Variants in THOC2 observed in about 807,000 individuals in gnomAD.
THOC2 encodes THO complex 2.
THOC2 carries 10 observed loss-of-function variants against 128.4 expected under a neutral mutation model. The observed-to-expected ratio is 0.08, with a 90% CI of 0.05 to 0.13. The LOEUF (loss-of-function observed/expected upper bound fraction) is 0.13. Ranked by LOEUF, THOC2 falls within the 10% of genes least tolerant of loss-of-function variation. THOC2 has a pLI of 1.00. For missense variants in THOC2, 535 were observed against 1,155.7 expected (o/e 0.46, Z 7.79); for synonymous variants, 393 against 396.9 (o/e 0.99, Z 0.12).
At chrX:123,721,815 A>G (rs1293462020) in intron 1 of THOC2, among the ~76,000 whole-genome samples, 2 of 111,029 alleles carry the variant, frequency 1.8e-5, no homozygotes, top group East Asian at 5.7e-4. Flanking sequence ...TTAAAAAATA[A>G]CACATCCTTT....
intron 10 of THOC2, among the ~76,000 whole-genome samples, chrX:123,667,913 A>G (rs2049112166): frequency 9.0e-6 from 1 of 111,315 alleles, no homozygotes. Context: ...ATTAAAGTCA[A>G]TACAACTTGT....
At chrX:123,650,027 G>A (rs930017382) in intron 12 of THOC2, among the ~76,000 whole-genome samples, 5 of 111,388 alleles carry the variant, frequency 4.5e-5, no homozygotes, top group African/African-American at 1.3e-4. Flanking sequence ...AGGTTGAAAC[G>A]AAGAAAAAAA....
At chrX:123,668,456 C>T in intron 9 of THOC2, 142 bp from the exon 10 acceptor site, 1 of 383,166 alleles carries the variant, frequency 2.6e-6, no homozygotes, top group East Asian at 4.5e-5. Context: ...AAGTAAATTT[C>T]AGTTATTTTC....
intron 8 of THOC2, among the ~76,000 whole-genome samples, chrX:123,680,815 A>C (rs2147853204): frequency 8.9e-6 from 1 of 111,782 alleles, no homozygotes; most frequent in South Asian, 3.8e-4. Flanking sequence ...AATAGTCCTT[A>C]ACTCTACTTT....
intron 7 of THOC2, among the ~76,000 whole-genome samples, chrX:123,691,168 T>C (rs2050208206): frequency 9.0e-6 from 1 of 111,707 alleles, no homozygotes; most frequent in Non-Finnish European, 1.9e-5. Context: ...GCCAAGACTG[T>C]ACCACTGCAA....
chrX:123,697,840 A>G, intron 4 of THOC2, 89 bp from the exon 5 acceptor site: 1 of 426,880 alleles, frequency 2.3e-6, no homozygotes, highest in South Asian at 3.8e-5. Flanking sequence ...GAAACTAACT[A>G]ATTTTAAAAT....
intron 1 of THOC2, among the ~76,000 whole-genome samples, chrX:123,724,595 G>A (rs1203470404): frequency 9.0e-6 from 1 of 111,187 alleles, no homozygotes; most frequent in East Asian, 2.8e-4. Context: ...TGAGGCAGGA[G>A]AATCGCATGA....
In THOC2 at chrX:123,623,990, G is replaced by A. The variant is rs200920321; in HGVS notation, c.3319-19C>T. 9 of 1,183,742 alleles carry A rather than the reference G, an allele frequency of 7.6e-6. No homozygotes were observed. In the South Asian group the frequency reaches 1.4e-4, roughly 18 times the overall value. Reference sequence around the variant, plus strand: ...CCGATGCCTACAACAAACATTTTCAGATCCATTATTATAAAAGCACAAGTA... The same window carrying A: ...CCGATGCCTACAACAAACATTTTCAAATCCATTATTATAAAAGCACAAGTA... On this transcript the variant is annotated intron_variant, in intron 27 of 38. Transcript: ENST00000245838.
At chrX:123,624,961 T>A (rs192400771) in intron 25 of THOC2, among the ~76,000 whole-genome samples, 1,191 of 111,783 alleles carry the variant, frequency 0.011, 7 homozygotes, top group Middle Eastern at 0.018. Flanking sequence ...GTTTTTTTTT[T>A]ATTACATAAT....
intron 12 of THOC2, among the ~76,000 whole-genome samples, chrX:123,655,114 G>A (rs1435611227): frequency 2.7e-5 from 3 of 111,510 alleles, no homozygotes; most frequent in Non-Finnish European, 5.7e-5. Flanking sequence ...TGAAAAGACT[G>A]GAACCTGAAA....
At chrX:123,712,474 A>C (rs1270659927) in intron 2 of THOC2, among the ~76,000 whole-genome samples, 3 of 112,068 alleles carry the variant, frequency 2.7e-5, no homozygotes, top group African/African-American at 9.7e-5. Flanking sequence ...GCTTTAGTAA[A>C]AACACTGAAC....
At chrX:123,618,153 G>A (rs973357389) in intron 33 of THOC2, among the ~76,000 whole-genome samples, 9 of 111,551 alleles carry the variant, frequency 8.1e-5, no homozygotes, top group African/African-American at 2.6e-4. Flanking sequence ...ACAAAAATAC[G>A]TTGGACGTTT....
chrX:123,665,239 T>G (rs2147796547), intron 12 of THOC2, among the ~76,000 whole-genome samples: 1 of 112,080 alleles, frequency 8.9e-6, no homozygotes, highest in Admixed American at 9.5e-5. Flanking sequence ...AGGTATTACC[T>G]TTTAAATGTT....
In THOC2 at chrX:123,660,328, A is replaced by T. The variant is rs766263933; in HGVS notation, c.1386+5314T>A. ...GTTGAAGGTTTGGTCTCCTGCTCAC[A>T]AGTTTGATATTTATAACCAAAGAAT... On this transcript the variant is annotated intron_variant, in intron 12 of 38. Transcript: ENST00000245838. 9.0e-5 allele frequency among the ~76,000 whole-genome samples: 10 copies of T among 111,702 alleles called. No individual in the cohort carries two copies. In the South Asian group the frequency reaches 1.1e-3, roughly 13 times the overall value.
At chrX:123,662,088 CTA>C (rs1321771874) in intron 12 of THOC2, among the ~76,000 whole-genome samples, 1 of 112,435 alleles carries the variant, frequency 8.9e-6, no homozygotes, top group East Asian at 2.8e-4. Flanking sequence ...GTTAGTATTT[CTA>C]TACAGTTGCT....
chrX:123,669,345 G>C (rs2049171402), intron 9 of THOC2, among the ~76,000 whole-genome samples: 1 of 105,816 alleles, frequency 9.5e-6, no homozygotes, highest in South Asian at 4.2e-4. Flanking sequence ...TTTTGAGACA[G>C]TTTTGCTCTC....
At chrX:123,611,344 C>T (rs1413320318) in intron 37 of THOC2, 96 bp downstream of exon 37, 1 of 645,434 alleles carries the variant, frequency 1.5e-6, no homozygotes, top group East Asian at 3.3e-5. Context: ...AGCCCTTAAG[C>T]ATATAAACCA....
rs2048172547 is a variant in THOC2 at position 123,647,475 on chromosome X, A to T, written c.1387-2100T>A. Among the ~76,000 whole-genome samples, 2 of 111,301 alleles carry T rather than the reference A, an allele frequency of 1.8e-5. 1 individual carries two copies. Among genetic ancestry groups the T allele is most frequent in the Non-Finnish European group, 3.8e-5 (2 of 53,087 alleles). On this transcript the variant is annotated intron_variant, in intron 12 of 38. Transcript: ENST00000245838. ...CATTCATTCATTCATTCATTCAATG[A>T]CTAGATTCCAGGCATTGGGAATTCA...
chrX:123,686,639 T>A lies in THOC2; in HGVS notation c.677A>T (p.Asp226Val). ...AGATTCTAACAAAGATATAAAGAAGTCATCGTGTTCTGGCCTGCATTCAAA... is the reference window on the plus strand; with the variant it reads ...AGATTCTAACAAAGATATAAAGAAGACATCGTGTTCTGGCCTGCATTCAAA... ...EVFECRPEHD[D>V]FFISLLESYM... Residue 226 changes from aspartate (D) to valine (V), a missense_variant, in exon 8 of 39, where the codon GAC (aspartate) becomes GTC (valine). This residue lies in a region of THOC2 where 197 missense variants were observed against 313.4 expected (regional missense o/e 0.63). Coordinates refer to ENST00000245838, the MANE Select transcript of THOC2 (RefSeq NM_001081550.2). 1 of 1,207,426 alleles carries A rather than the reference T, an allele frequency of 8.3e-7. No individual in the cohort carries two copies. The highest frequency in any genetic ancestry group is 1.1e-6 in the Non-Finnish European group (1 of 892,597).
Sources: gnomAD v4.1 joint callset for allele counts (sites outside exome capture counted in the v4.1 genomes callset) on GRCh38, gnomAD v4.1.1 for gene constraint, gnomAD v4.1.1 regional missense constraint, MANE v1.5 for transcripts, NCBI Gene and HGNC (gene_info 2026-07-23, HGNC 2026-07-21) for gene names.